USP53: variants seen among roughly 807,000 people sequenced by gnomAD.
The protein encoded by USP53 is ubiquitin specific peptidase 53.
A neutral mutation model predicts 94.9 loss-of-function variants in USP53; 71 were observed. The observed-to-expected ratio is 0.75, with a 90% CI of 0.62 to 0.91. The LOEUF is 0.91. USP53 is among the 40% of genes least tolerant of loss of function. USP53 has a pLI of 0.00. For synonymous variants in USP53, 375 were observed against 422.7 expected (o/e 0.89, Z 1.39); for missense variants, 1,173 against 1,281.0 (o/e 0.92, Z 1.29).
intron 3 of USP53, among the ~76,000 whole-genome samples, chr4:119,225,484 C>T (rs1337943572): frequency 3.3e-5 from 5 of 152,130 alleles, no homozygotes; most frequent in African/African-American, 9.7e-5. Context: ...TGGTGGCTCA[C>T]GCCTGTAATC....
rs1399778246 is a variant in USP53 at position 119,224,520 on chromosome 4, G to A, written c.-665+6847G>A. Among the ~76,000 whole-genome samples the A allele has an allele frequency of 4.6e-5, 7 of 152,356 alleles. No homozygotes were observed. The East Asian group carries it at 1.3e-3, about 29-fold the overall frequency. On this transcript the variant is annotated intron_variant, in intron 3 of 18. Transcript: ENST00000692078. The stretch of plus-strand genomic sequence containing the variant: ...ACTCAGTGCATTTAAATGTTGTGGA[G>A]TTAGGGAGGGAGGTTAGTTCTAAAT...
chr4:119,289,992 A>G (rs879463515), intron 17 of USP53, among the ~76,000 whole-genome samples: 3 of 152,218 alleles, frequency 2.0e-5, no homozygotes, highest in Non-Finnish European at 4.4e-5. Context: ...TTAGAGGGCA[A>G]TAGTCATTTT....
chr4:119,259,939 G>C lies in USP53; in HGVS notation c.675+14G>C. On this transcript the variant is annotated intron_variant, in intron 10 of 18. Transcript: ENST00000692078. ...AGGAAATGTCCTGTAAGTATAGTTT[G>C]GAGAATATTAGTATGCTTCTTGTTT... The C allele has an allele frequency of 6.4e-7, 1 of 1,574,682 alleles. No homozygotes were observed. Among genetic ancestry groups the C allele is most frequent in the Non-Finnish European group, 8.7e-7 (1 of 1,154,960 alleles).
intron 7 of USP53, among the ~76,000 whole-genome samples, chr4:119,249,660 ATTTT>A (rs142005756): frequency 1.2e-3 from 124 of 99,692 alleles, no homozygotes; most frequent in Non-Finnish European, 1.9e-3. Flanking sequence ...TTTATGTCCT[ATTTT>A]TTTTTTTTTT....
intron 17 of USP53, among the ~76,000 whole-genome samples, chr4:119,274,336 G>T (rs961609552): frequency 6.8e-6 from 1 of 148,020 alleles, no homozygotes; most frequent in Non-Finnish European, 1.5e-5. Flanking sequence ...CTATGAGTGA[G>T]AATATGCCGT....
intron 7 of USP53, 110 bp from the exon 8 acceptor site, chr4:119,256,136 G>A (rs987291692): frequency 2.7e-5 from 20 of 727,440 alleles, no homozygotes; most frequent in Non-Finnish European, 4.2e-5. Context: ...CTAACAATAT[G>A]TATGACACTC....
rs909798995 is a variant in USP53 at position 119,259,704 on chromosome 4, G to T, written c.570-116G>T. 1.4e-5 allele frequency: 9 copies of T among 626,864 alleles called. No homozygotes were observed. The African/African-American group carries it at 1.7e-4, about 12-fold the overall frequency. 38.8% of individuals were successfully genotyped at this position (626,864 alleles called of 1,614,324 possible). A position where few individuals can be genotyped will look rare whatever the true frequency, so the allele number is the denominator to read the frequency against. On this transcript the variant is annotated intron_variant, in intron 9 of 18. Coordinates refer to ENST00000692078, the MANE Select transcript of USP53 (RefSeq NM_001371395.1). ...ACTTTATGGTTAATTTTTCAGTCATGGTCATGTTTTAGATAGAAAAAGTGA... is the reference window on the plus strand; with the variant it reads ...ACTTTATGGTTAATTTTTCAGTCATTGTCATGTTTTAGATAGAAAAAGTGA...
Position 119,269,717 on chromosome 4 carries a change from GA to G in USP53, c.1319del (p.Lys440ArgfsTer2). ...TAAGTTAAGTCACATTGATCAAAGG[GA>G]AAAGATAAAAGACATTTCCAGAGAA... Reference protein sequence around the residue: ...PAKLSHIDQREKIKDISRECA... With the variant: ...PAKLSHIDQRXKIKDISRECA... On this transcript the variant is annotated frameshift_variant, in exon 15 of 19. Transcript: ENST00000692078. LOFTEE classifies it high-confidence loss of function. 2 of 1,487,430 alleles carry G rather than the reference GA, an allele frequency of 1.3e-6. No homozygotes were observed. The allele number at this position is 1,487,430 out of a possible 1,614,324, so 92.1% of individuals were successfully genotyped here. A position where few individuals can be genotyped will look rare whatever the true frequency, so the allele number is the denominator to read the frequency against.
At chr4:119,235,599 G>A (rs189005046) in intron 4 of USP53, among the ~76,000 whole-genome samples, 188 bp downstream of exon 4, 1 of 152,202 alleles carries the variant, frequency 6.6e-6, no homozygotes, top group Admixed American at 6.5e-5. Flanking sequence ...TTTAAAGCCA[G>A]AGTTCTTAAA....
intron 1 of USP53, among the ~76,000 whole-genome samples, chr4:119,213,664 G>A (rs62326353): frequency 9.1e-5 from 8 of 88,310 alleles, no homozygotes; most frequent in African/African-American, 3.8e-4. Flanking sequence ...ATATATATGT[G>A]TGTGTGTGTA....
chr4:119,257,201 G>T (rs1307688632), intron 9 of USP53, among the ~76,000 whole-genome samples: 1 of 152,154 alleles, frequency 6.6e-6, no homozygotes, highest in Non-Finnish European at 1.5e-5. Flanking sequence ...TAGTACATTG[G>T]GAGGCCAAGG....
Position 119,216,047 on chromosome 4 carries a change from G to A in USP53, c.-788-1503G>A, listed in dbSNP as rs570449590. Among the ~76,000 whole-genome samples the A allele has an allele frequency of 5.3e-5, 8 of 152,276 alleles. No individual in the cohort carries two copies. The South Asian group carries it at 8.3e-4, about 16-fold the overall frequency. ...AAACATTATTGACCTCCTATTGTAT[G>A]CTAGGCATAGTGCTAAACACTAGAA... On this transcript the variant is annotated intron_variant, in intron 2 of 18. Coordinates refer to ENST00000692078, the MANE Select transcript of USP53 (RefSeq NM_001371395.1).
At chr4:119,281,024 T>G (rs539461186) in intron 17 of USP53, among the ~76,000 whole-genome samples, 4 of 152,306 alleles carry the variant, frequency 2.6e-5, no homozygotes, top group African/African-American at 9.6e-5. Context: ...CTCTAATGAC[T>G]GCCATAGTAG....
At position 119,273,837 on chromosome 4, in the gene USP53, T is replaced by A. The variant is rs1578538988; in HGVS notation, c.2251+129T>A. 4.5e-6 allele frequency: 3 copies of A among 673,642 alleles called. No individual in the cohort carries two copies. The East Asian group carries it at 8.6e-5, about 19-fold the overall frequency. The allele number at this position is 673,642 out of a possible 1,614,324, so 41.7% of individuals were successfully genotyped here. On this transcript the variant is annotated intron_variant, in intron 17 of 18. Coordinates refer to ENST00000692078, the MANE Select transcript of USP53 (RefSeq NM_001371395.1). ...ATTATTTTTAAATAACCCTAAAATA[T>A]CAATAAACAAGTTTTATTAAGTTAA... is the stretch of plus-strand genomic sequence containing the variant.
chr4:119,252,829 G>A (rs924817677), intron 7 of USP53, among the ~76,000 whole-genome samples: 2 of 152,076 alleles, frequency 1.3e-5, no homozygotes, highest in African/African-American at 2.4e-5. Flanking sequence ...TGATGTTAGG[G>A]TGTCAATTTT....
At chr4:119,279,542 T>A (rs1427954624) in intron 17 of USP53, among the ~76,000 whole-genome samples, 1 of 129,418 alleles carries the variant, frequency 7.7e-6, no homozygotes, top group Non-Finnish European at 1.7e-5. Flanking sequence ...CAGAGGTTAC[T>A]GCTGTCTTTT....
intron 5 of USP53, among the ~76,000 whole-genome samples, chr4:119,243,511 T>A (rs77598255): frequency 2.0e-5 from 3 of 151,852 alleles, no homozygotes; most frequent in Admixed American, 6.6e-5. Flanking sequence ...AATAAATAAA[T>A]AAAAATAAAA....
intron 17 of USP53, among the ~76,000 whole-genome samples, chr4:119,279,947 C>T (rs1265333223): frequency 2.0e-5 from 3 of 152,226 alleles, no homozygotes; most frequent in Admixed American, 6.5e-5. Context: ...CAATGCCTCG[C>T]CCTGCTTTGG....
intron 17 of USP53, among the ~76,000 whole-genome samples, chr4:119,279,434 C>T (rs55942865): frequency 6.7e-6 from 1 of 149,812 alleles, no homozygotes; most frequent in Non-Finnish European, 1.5e-5. Flanking sequence ...GTCAGGGACC[C>T]ACTTGAGGAG....
Sources: allele counts gnomAD v4.1 joint callset (sites outside exome capture counted in the v4.1 genomes callset), GRCh38; gene constraint gnomAD v4.1.1; transcripts MANE v1.5; gene names NCBI Gene and HGNC (gene_info 2026-07-23, HGNC 2026-07-21).